The following ALS2 variants were observed in gnomAD, a reference collection of about 807,000 sequenced individuals.
ALS2 encodes the protein alsin Rho guanine nucleotide exchange factor ALS2, also known as alsin.
Under a neutral mutation model 203.4 loss-of-function variants are expected in ALS2, and 117 were observed. The observed-to-expected ratio is 0.58, with a 90% CI of 0.50 to 0.67. The LOEUF (loss-of-function observed/expected upper bound fraction) is 0.67, where lower values mean the gene tolerates loss of function less well. ALS2 is among the 30% of genes least tolerant of loss of function. The probability of loss-of-function intolerance (pLI) is 0.00; values close to 1 mark genes in which losing one functional copy is unlikely to be tolerated. For missense variants in ALS2, 1,715 were observed against 1,989.4 expected (o/e 0.86, Z 2.62); for synonymous variants, 718 against 725.9 (o/e 0.99, Z 0.17).
intron 3 of ALS2, among the ~76,000 whole-genome samples, chr2:201,762,145 T>C (rs1237851769): frequency 6.6e-6 from 1 of 152,106 alleles, no homozygotes; most frequent in Non-Finnish European, 1.5e-5. Flanking sequence ...AGAAACAGAT[T>C]CCAAGTGTTC....
chr2:201,760,030 T>C (rs1019370034), intron 4 of ALS2: 16 of 980,042 alleles, frequency 1.6e-5, no homozygotes, highest in Non-Finnish European at 1.9e-5. Context: ...TTTAATAAGA[T>C]ATATAAAATA....
At chr2:201,755,627 A>G (rs1693332908) in intron 5 of ALS2, among the ~76,000 whole-genome samples, 1 of 152,230 alleles carries the variant, frequency 6.6e-6, no homozygotes, top group African/African-American at 2.4e-5. Context: ...ATTATGAATA[A>G]TTGTAATAAA....
chr2:201,760,736 C>G, intron 4 of ALS2, 145 bp downstream of exon 4: 1 of 1,440,938 alleles, frequency 6.9e-7, no homozygotes, highest in East Asian at 2.5e-5. Context: ...TTTCCTTTAT[C>G]TAGGCTTGCC....
In ALS2 at chr2:201,761,470, C is replaced by T; in HGVS notation, c.524G>A (p.Gly175Asp). 6.2e-7 allele frequency: 1 copy of T among 1,608,606 alleles called. No homozygotes were observed. The highest frequency in any genetic ancestry group is 8.5e-7 in the Non-Finnish European group (1 of 1,175,474). Reference protein sequence around the residue: ...LSISREIWAWGTGCQLGLITT... With the variant: ...LSISREIWAWDTGCQLGLITT... ...AATGAGACCCAACTGACAACCGGTA[C>T]CCCATGCCCAAATCTCTCTGCTTAT... Residue 175 changes from glycine (G) to aspartate (D), a missense_variant, in exon 4 of 34, where the codon GGT (glycine) becomes GAT (aspartate). Coordinates refer to ENST00000264276, the MANE Select transcript of ALS2 (RefSeq NM_020919.4).
At chr2:201,767,154 C>G in intron 3 of ALS2, 75 bp downstream of exon 3, 1 of 1,579,024 alleles carries the variant, frequency 6.3e-7, no homozygotes, top group Non-Finnish European at 8.7e-7. Flanking sequence ...TCCAATGACT[C>G]CCATACCTGA....
chr2:201,736,102 A>G (rs983642923), intron 12 of ALS2, among the ~76,000 whole-genome samples: 2 of 152,064 alleles, frequency 1.3e-5, no homozygotes, highest in Admixed American at 6.5e-5. Flanking sequence ...GTAATTACAA[A>G]TGTAAACTTG....
intron 13 of ALS2, 23 bp from the exon 14 acceptor site, chr2:201,729,206 G>GAAA: frequency 2.3e-6 from 3 of 1,308,120 alleles, no homozygotes; most frequent in African/African-American, 1.6e-5. Flanking sequence ...AATTAAAGAG[G>GAAA]AAAAAAAAAA....
rs1694134804 is a variant in ALS2, at chr2:201,767,223, C to T, written c.175+6G>A. On this transcript the variant is annotated splice_donor_region_variant and intron_variant, in intron 3 of 33. Coordinates refer to ENST00000264276, the MANE Select transcript of ALS2 (RefSeq NM_020919.4). ...TTCGTATTTGTTACGCCATTCTTTT[C>T]ATTACCTTCAGTCAGAAGAACTCCA... The T allele has an allele frequency of 6.2e-7, 1 of 1,614,006 alleles. No homozygotes were observed. Among genetic ancestry groups the T allele is most frequent in the Non-Finnish European group, 8.5e-7 (1 of 1,179,978 alleles).
At chr2:201,772,528 T>A (rs566388187) in intron 1 of ALS2, among the ~76,000 whole-genome samples, 1 of 152,270 alleles carries the variant, frequency 6.6e-6, no homozygotes, top group South Asian at 2.1e-4. Context: ...TCATACATCG[T>A]GTTGTAGAAA....
chr2:201,756,946 G>C (rs1188248364), intron 5 of ALS2, among the ~76,000 whole-genome samples: 1 of 152,184 alleles, frequency 6.6e-6, no homozygotes. Context: ...GAGAAAAGGA[G>C]AAGAACCAAC....
At chr2:201,720,197 G>A in intron 23 of ALS2, 1 of 381,340 alleles carries the variant, frequency 2.6e-6, no homozygotes, top group South Asian at 1.9e-5. Context: ...TCATAAATAT[G>A]AATGCAAAAA....
In ALS2 at chr2:201,729,127, A is replaced by G; in HGVS notation, c.2637T>C (p.Ala879=). The part of the protein sequence containing the change: ...QDSSSCYECL[A]LHLGRKRKEA... ...CCTTCCTTTTCCTGCCGAGATGGAG[A>G]GCAAGACACTCATAACAAGAACTGG... Residue 879 remains alanine, a synonymous_variant, in exon 14 of 34, where the codon GCT becomes GCC. Transcript: ENST00000264276. 1 of 1,614,028 alleles carries G rather than the reference A, an allele frequency of 6.2e-7. No homozygotes were observed. The highest frequency in any genetic ancestry group is 1.1e-5 in the South Asian group (1 of 91,078).
chr2:201,709,531 T>G (rs191447733), intron 27 of ALS2, among the ~76,000 whole-genome samples: 20 of 152,268 alleles, frequency 1.3e-4, no homozygotes, highest in Non-Finnish European at 1.9e-4. Context: ...AGGGCAAAAC[T>G]TCATATTAAA....
intron 12 of ALS2, among the ~76,000 whole-genome samples, chr2:201,734,624 C>T (rs915803597): frequency 2.0e-5 from 3 of 152,292 alleles, no homozygotes; most frequent in African/African-American, 4.8e-5. Flanking sequence ...TCCTGAGAGA[C>T]GGAGGTAAGA....
In ALS2 at chr2:201,731,492, C is replaced by T. The variant is rs147390749; in HGVS notation, c.2580+1784G>A. Among the ~76,000 whole-genome samples, 20 of 151,970 alleles carry T rather than the reference C, an allele frequency of 1.3e-4. No individual in the cohort carries two copies. In the Middle Eastern group the frequency reaches 0.01, roughly 78 times the overall value. Reference sequence around the variant, plus strand: ...GTAATAATAATAATACCTACTTCACCGAGTTGATGTGGGGATTAAAGTTAT... The same window carrying T: ...GTAATAATAATAATACCTACTTCACTGAGTTGATGTGGGGATTAAAGTTAT... On this transcript the variant is annotated intron_variant, in intron 13 of 33. Coordinates refer to ENST00000264276, the MANE Select transcript of ALS2 (RefSeq NM_020919.4).
intron 4 of ALS2, 49 bp from the exon 5 acceptor site, chr2:201,757,808 C>CA (rs766765485): frequency 1.4e-6 from 2 of 1,384,640 alleles, no homozygotes; most frequent in East Asian, 4.9e-5. Flanking sequence ...ATCCCTTATG[C>CA]AACAAGCAAT....
At position 201,727,180 on chromosome 2, in the gene ALS2, A is replaced by C. The variant is rs368180087; in HGVS notation, c.2979+32T>G. ...ACAAGAGGCAGAAAGAGCCAGGGCGAAGATTGAAGGAAAATACCATAATAG... is the reference window on the plus strand; with the variant it reads ...ACAAGAGGCAGAAAGAGCCAGGGCGCAGATTGAAGGAAAATACCATAATAG... On this transcript the variant is annotated intron_variant, in intron 17 of 33. Coordinates refer to ENST00000264276, the MANE Select transcript of ALS2 (RefSeq NM_020919.4). The C allele has an allele frequency of 3.8e-6, 6 of 1,560,214 alleles. No homozygotes were observed. In the Admixed American group the frequency reaches 1.0e-4, roughly 26 times the overall value.
intron 29 of ALS2, 41 bp downstream of exon 29, chr2:201,706,805 A>G: frequency 1.2e-6 from 2 of 1,611,428 alleles, no homozygotes; most frequent in Non-Finnish European, 1.7e-6. Flanking sequence ...TTGCATTTTA[A>G]ATTAAAACCA....
intron 2 of ALS2, among the ~76,000 whole-genome samples, chr2:201,768,159 C>G (rs541700134): frequency 6.6e-6 from 1 of 152,280 alleles, no homozygotes; most frequent in South Asian, 2.1e-4. Context: ...AAGTGTAGAA[C>G]TGCTATTTAA....
Sources: gnomAD v4.1 joint callset for allele counts (sites outside exome capture counted in the v4.1 genomes callset) on GRCh38, gnomAD v4.1.1 for gene constraint, MANE v1.5 for transcripts, NCBI Gene and HGNC (gene_info 2026-07-23, HGNC 2026-07-21) for gene names.